TBL1X: variants seen among roughly 807,000 people sequenced by gnomAD.
The protein encoded by TBL1X is transducin beta like 1 X-linked, also known as F-box-like/WD repeat-containing protein TBL1X.
TBL1X carries 10 observed loss-of-function variants against 50.7 expected under a neutral mutation model. That is an observed-to-expected ratio of 0.20 (90% CI 0.12 to 0.33). The LOEUF is 0.33. Among genes scored for constraint, TBL1X ranks in the 10% least tolerant of loss-of-function variants. The pLI, the probability that TBL1X is intolerant of heterozygous loss-of-function variation, is 1.00. For synonymous variants in TBL1X, 190 were observed against 214.7 expected (o/e 0.88, Z 1.01); for missense variants, 340 against 504.4 (o/e 0.67, Z 3.12).
chrX:9,695,634 C>A lies in TBL1X; in HGVS notation c.1054-1735C>A, dbSNP rs780341098. On this transcript the variant is annotated intron_variant, in intron 11 of 17. Coordinates refer to ENST00000645353, the MANE Select transcript of TBL1X (RefSeq NM_005647.4). ...GTACTGCCAAGATAGGAGGCAGGCA[C>A]AAGTATGATCACTCCCATTCTATAG... is the stretch of plus-strand genomic sequence containing the variant. Among the ~76,000 whole-genome samples the A allele has an allele frequency of 2.7e-5, 3 of 112,047 alleles. No homozygotes were observed. The East Asian group carries it at 8.4e-4, about 31-fold the overall frequency.
At chrX:9,664,013 C>T (rs965250055) in intron 5 of TBL1X, among the ~76,000 whole-genome samples, 4 of 111,379 alleles carry the variant, frequency 3.6e-5, no homozygotes, top group African/African-American at 9.8e-5. Flanking sequence ...ATAGATTATA[C>T]GTACACAACC....
intron 2 of TBL1X, among the ~76,000 whole-genome samples, chrX:9,579,579 G>A (rs760273305): frequency 1.1e-3 from 123 of 111,689 alleles, no homozygotes; most frequent in African/African-American, 3.7e-3. Flanking sequence ...AGATGTGGTC[G>A]TCATTTTCCT....
At chrX:9,467,687 A>G (rs965939374) in intron 1 of TBL1X, among the ~76,000 whole-genome samples, 4 of 109,314 alleles carry the variant, frequency 3.7e-5, no homozygotes, top group African/African-American at 1.3e-4. Flanking sequence ...CGGAGACTGG[A>G]CTCGAGTTTT....
At chrX:9,589,760 A>G (rs1024772513) in intron 2 of TBL1X, among the ~76,000 whole-genome samples, 2 of 111,995 alleles carry the variant, frequency 1.8e-5, no homozygotes, top group Non-Finnish European at 3.8e-5. Flanking sequence ...TCTTGTATCC[A>G]TAACAGTTAA....
intron 2 of TBL1X, among the ~76,000 whole-genome samples, chrX:9,514,996 T>A (rs1441487822): frequency 9.0e-6 from 1 of 111,375 alleles, no homozygotes; most frequent in Non-Finnish European, 1.9e-5. Flanking sequence ...GGAAGGCAGA[T>A]GTTATCAGGA....
intron 13 of TBL1X, among the ~76,000 whole-genome samples, chrX:9,708,776 G>T (rs766131783): frequency 1.8e-5 from 2 of 109,699 alleles, no homozygotes; most frequent in South Asian, 8.0e-4. Flanking sequence ...GGTGAGGCAA[G>T]AGGATTGCTT....
intron 5 of TBL1X, among the ~76,000 whole-genome samples, chrX:9,665,539 A>ATATATATATATATATATATAT (rs3043954): frequency 1.6e-4 from 10 of 62,894 alleles, no homozygotes; most frequent in Non-Finnish European, 2.0e-4. Flanking sequence ...ATATATATAT[A>ATATATATATATATATATATAT]AAAGGCCTTG....
chrX:9,661,430 C>T (rs1012212561), intron 5 of TBL1X, among the ~76,000 whole-genome samples: 13 of 111,240 alleles, frequency 1.2e-4, no homozygotes, highest in African/African-American at 3.3e-4. Flanking sequence ...GAGGCTGAGG[C>T]GGGAGGACTG....
chrX:9,654,163 A>G, intron 4 of TBL1X, 52 bp from the exon 5 acceptor site: 1 of 1,110,907 alleles, frequency 9.0e-7, no homozygotes, highest in South Asian at 2.1e-5. Flanking sequence ...TCAAAAAAAA[A>G]AAAGAGAAAA....
At chrX:9,703,743 C>G (rs1601851542) in intron 12 of TBL1X, among the ~76,000 whole-genome samples, 4 of 112,254 alleles carry the variant, frequency 3.6e-5, no homozygotes. Flanking sequence ...GCTCTCTCCC[C>G]CTTGTCTGGG....
At chrX:9,684,362 T>C (rs1019524844) in intron 6 of TBL1X, among the ~76,000 whole-genome samples, 174 bp downstream of exon 6, 1 of 110,447 alleles carries the variant, frequency 9.1e-6, no homozygotes, top group Non-Finnish European at 1.9e-5. Flanking sequence ...AGGCAGGAAG[T>C]CTACTTGACC....
intron 1 of TBL1X, among the ~76,000 whole-genome samples, chrX:9,476,876 A>G (rs1472021004): frequency 8.9e-6 from 1 of 112,603 alleles, no homozygotes. Flanking sequence ...GTGAAGCTTT[A>G]TAAGTGAAAA....
chrX:9,703,017 T>C (rs1189431370), intron 12 of TBL1X, among the ~76,000 whole-genome samples: 5 of 111,476 alleles, frequency 4.5e-5, no homozygotes, highest in Non-Finnish European at 9.4e-5. Context: ...CCCCCTTAAA[T>C]TAGCATGAAC....
intron 2 of TBL1X, among the ~76,000 whole-genome samples, chrX:9,630,843 C>T (rs768093589): frequency 8.6e-4 from 96 of 111,938 alleles, no homozygotes; most frequent in African/African-American, 2.8e-3. Context: ...CCCAAAGTGC[C>T]GGGATTAGAG....
At chrX:9,713,441 T>TTTTTTTTG (rs2083260442) in intron 16 of TBL1X, among the ~76,000 whole-genome samples, 2 of 102,412 alleles carry the variant, frequency 2.0e-5, no homozygotes, top group Non-Finnish European at 2.0e-5. Context: ...TTTTTTTTTT[T>TTTTTTTTG]TTTGGATCGG....
chrX:9,472,531 A>G (rs977249029), intron 1 of TBL1X, among the ~76,000 whole-genome samples: 2 of 107,668 alleles, frequency 1.9e-5, no homozygotes, highest in South Asian at 4.1e-4. Context: ...GACTCAAGCA[A>G]TCTTCCTGCA....
chrX:9,469,518 G>C (rs2081799290), intron 1 of TBL1X, among the ~76,000 whole-genome samples: 1 of 112,417 alleles, frequency 8.9e-6, no homozygotes, highest in Non-Finnish European at 1.9e-5. Flanking sequence ...GGTCTGGAAA[G>C]GTATCACCAT....
chrX:9,619,790 G>A (rs1281727708), intron 2 of TBL1X, among the ~76,000 whole-genome samples: 2 of 111,489 alleles, frequency 1.8e-5, no homozygotes, highest in Non-Finnish European at 3.8e-5. Flanking sequence ...CTCTAGCTGC[G>A]AGCTTACATC....
intron 2 of TBL1X, among the ~76,000 whole-genome samples, chrX:9,534,539 C>T (rs1248928355): frequency 9.1e-6 from 1 of 109,994 alleles, no homozygotes. Flanking sequence ...CATTTAAGTG[C>T]CTAATTCAAC....
Sources: allele counts gnomAD v4.1 joint callset (sites outside exome capture counted in the v4.1 genomes callset), GRCh38; gene constraint gnomAD v4.1.1; transcripts MANE v1.5; gene names NCBI Gene and HGNC (gene_info 2026-07-23, HGNC 2026-07-21).